Variants in YES1 observed in about 807,000 individuals in gnomAD.
The protein encoded by YES1 is YES proto-oncogene 1, Src family tyrosine kinase, also known as tyrosine-protein kinase Yes.
In YES1, 39 loss-of-function variants were observed where a neutral mutation model predicts 70.4. The observed-to-expected ratio is 0.55, with a 90% confidence interval of 0.43 to 0.72. YES1 has a LOEUF of 0.72. Among genes scored for constraint, YES1 ranks in the 30% least tolerant of loss-of-function variants. The probability of loss-of-function intolerance (pLI) is 0.00; values close to 1 mark genes in which losing one functional copy is unlikely to be tolerated. For synonymous variants in YES1, 198 were observed against 218.6 expected, an observed-to-expected ratio of 0.91 and a Z score of 0.83; for missense variants, 495 against 644.8, an observed-to-expected ratio of 0.77 and a Z score of 2.52.
chr18:755,981 G>C (rs1483896194), intron 2 of YES1, among the ~76,000 whole-genome samples: 1 of 152,062 alleles, frequency 6.6e-6, no homozygotes, highest in Non-Finnish European at 1.5e-5. Context: ...TTCTCTAAAA[G>C]GATATAATAA....
In YES1 at chr18:722,960, TGG is replaced by T. The variant is rs1568178862; in HGVS notation, c.*1462_*1463del. On this transcript the variant is annotated 3_prime_UTR_variant, in exon 12 of 12. Transcript: ENST00000314574. ...ACAAAAAACTAGCCAGGCGTGGTGG[TGG>T]GCACCTGTAGTCCCAGCTACTCGGG... 1 of 152,132 alleles carries T rather than the reference TGG, an allele frequency of 6.6e-6. No homozygotes were observed. The highest frequency in any genetic ancestry group is 1.5e-5 in the Non-Finnish European group (1 of 68,094). 9.4% of individuals were successfully genotyped at this position (152,132 alleles called of 1,614,324 possible).
intron 1 of YES1, among the ~76,000 whole-genome samples, chr18:786,742 A>G (rs570947718): frequency 3.6e-4 from 55 of 152,272 alleles, no homozygotes; most frequent in Non-Finnish European, 4.6e-4. Context: ...GCTGCACATC[A>G]AGTTTTTATA....
chr18:741,777 T>C (rs375926543), intron 8 of YES1, among the ~76,000 whole-genome samples: 12 of 152,136 alleles, frequency 7.9e-5, no homozygotes, highest in African/African-American at 2.9e-4. Flanking sequence ...CCCTGGGGGA[T>C]AGAGTGAGGC....
At position 724,184 on chromosome 18, in the gene YES1, A is replaced by C. The variant is rs1053561146; in HGVS notation, c.*240T>G. The stretch of plus-strand genomic sequence containing the variant: ...TTACCATGCTGTCACCCACACTGTC[A>C]TCAGTATCTTAGCTCTATTTTGTTT... On this transcript the variant is annotated 3_prime_UTR_variant, in exon 12 of 12. Transcript: ENST00000314574. 12 of 470,160 alleles carry C rather than the reference A, an allele frequency of 2.6e-5. No homozygotes were observed. Among genetic ancestry groups the C allele is most frequent in the African/African-American group, 1.5e-4 (8 of 51,868 alleles). The allele number at this position is 470,160 out of a possible 1,614,324, so 29.1% of individuals were successfully genotyped here.
At chr18:756,062 A>G (rs1173767668) in intron 2 of YES1, among the ~76,000 whole-genome samples, 1 of 152,160 alleles carries the variant, frequency 6.6e-6, no homozygotes, top group Non-Finnish European at 1.5e-5. Context: ...GACTTGGGGG[A>G]AAATTTTAAA....
chr18:764,532 G>A (rs1348294742), intron 1 of YES1, among the ~76,000 whole-genome samples: 2 of 151,584 alleles, frequency 1.3e-5, no homozygotes, highest in Non-Finnish European at 2.9e-5. Flanking sequence ...AAAGTTTCTA[G>A]TTTTAACCAA....
chr18:756,411 T>G, intron 2 of YES1, 146 bp downstream of exon 2: 1 of 1,138,866 alleles, frequency 8.8e-7, no homozygotes, highest in Non-Finnish European at 1.2e-6. Context: ...TAAAACTAAT[T>G]TTTATGTTAG....
At chr18:811,688 C>G (rs1907389820) in intron 1 of YES1, among the ~76,000 whole-genome samples, 1 of 152,150 alleles carries the variant, frequency 6.6e-6, no homozygotes, top group Non-Finnish European at 1.5e-5. Context: ...CAGCTGCTAC[C>G]GGCGTCGGCC....
At chr18:760,068 CA>C (rs1319460559) in intron 1 of YES1, among the ~76,000 whole-genome samples, 1 of 152,094 alleles carries the variant, frequency 6.6e-6, no homozygotes, top group African/African-American at 2.4e-5. Context: ...CATAGTATTC[CA>C]TGGTGTATAT....
chr18:790,483 T>C (rs1906190066), intron 1 of YES1, among the ~76,000 whole-genome samples: 1 of 152,190 alleles, frequency 6.6e-6, no homozygotes. Context: ...TTCCTCTTAT[T>C]ATAACAAAAA....
intron 11 of YES1, among the ~76,000 whole-genome samples, chr18:730,025 T>C (rs1443451381): frequency 6.6e-6 from 1 of 152,222 alleles, no homozygotes; most frequent in Non-Finnish European, 1.5e-5. Context: ...CTGTAGATTA[T>C]CTGGATCATG....
chr18:791,780 C>T (rs1330384952), intron 1 of YES1, among the ~76,000 whole-genome samples: 1 of 152,166 alleles, frequency 6.6e-6, no homozygotes, highest in African/African-American at 2.4e-5. Context: ...CTGCACCAGG[C>T]GTGGTGGCTC....
intron 1 of YES1, among the ~76,000 whole-genome samples, chr18:787,053 T>C (rs1905987166): frequency 6.6e-6 from 1 of 150,954 alleles, no homozygotes; most frequent in South Asian, 2.1e-4. Flanking sequence ...AAAATTATGT[T>C]TTTTAAAAAA....
chr18:773,073 TA>T (rs1032842054), intron 1 of YES1, among the ~76,000 whole-genome samples: 2 of 152,234 alleles, frequency 1.3e-5, no homozygotes, highest in African/African-American at 4.8e-5. Context: ...CTTCTTAACA[TA>T]AGGTCTCCTA....
chr18:764,231 AT>A (rs1403663923), intron 1 of YES1, among the ~76,000 whole-genome samples: 1 of 151,274 alleles, frequency 6.6e-6, no homozygotes, highest in East Asian at 1.9e-4. Flanking sequence ...CCAGTTTTTT[AT>A]TTTTTTTGAG....
chr18:769,631 G>A (rs1905068121), intron 1 of YES1, among the ~76,000 whole-genome samples: 1 of 152,172 alleles, frequency 6.6e-6, no homozygotes, highest in African/African-American at 2.4e-5. Context: ...TCATAAATGA[G>A]TGAATTTTGT....
chr18:756,534 A>C, intron 2 of YES1, 23 bp downstream of exon 2: 1 of 1,613,430 alleles, frequency 6.2e-7, no homozygotes, highest in Non-Finnish European at 8.5e-7. Context: ...AACAGACAAC[A>C]TAATTGTCCA....
chr18:760,969 GA>G (rs1411913992), intron 1 of YES1, among the ~76,000 whole-genome samples: 14 of 152,052 alleles, frequency 9.2e-5, no homozygotes, highest in Non-Finnish European at 8.8e-5. Flanking sequence ...AGAAAAACAT[GA>G]AAACCTATCA....
At chr18:798,424 A>G (rs1906649943) in intron 1 of YES1, among the ~76,000 whole-genome samples, 1 of 152,192 alleles carries the variant, frequency 6.6e-6, no homozygotes, top group Admixed American at 6.5e-5. Flanking sequence ...GACATTTGTT[A>G]TGAGTTTCTC....
Sources: allele counts gnomAD v4.1 joint callset (sites outside exome capture counted in the v4.1 genomes callset), GRCh38; gene constraint gnomAD v4.1.1; transcripts MANE v1.5; gene names NCBI Gene and HGNC (gene_info 2026-07-23, HGNC 2026-07-21).